HYCC2: variants seen among roughly 807,000 people sequenced by gnomAD.
HYCC2 encodes the protein hyccin PI4KA lipid kinase complex subunit 2, also known as hyccin 2.
At chr2:201,037,673 A>T in the HYCC2 span, among the ~76,000 whole-genome samples, 13 of 152,258 alleles carry the variant, frequency 8.5e-5, no homozygotes, top group African/African-American at 3.1e-4. Context: ...TGGTGCTGGG[A>T]AAACTGGCTA....
chr2:201,034,785 C>CTAA, the HYCC2 span, among the ~76,000 whole-genome samples: 11 of 152,284 alleles, frequency 7.2e-5, 1 homozygote, highest in African/African-American at 2.6e-4. Context: ...TTCAGGAGCT[C>CTAA]TTTTAGGGCA....
At chr2:201,006,440 A>AT in the HYCC2 span, among the ~76,000 whole-genome samples, 2 of 151,642 alleles carry the variant, frequency 1.3e-5, no homozygotes, top group African/African-American at 4.9e-5. Flanking sequence ...ACCTGGCGAG[A>AT]TTTTTTTAAA....
chr2:200,989,206 C>G, the HYCC2 span, among the ~76,000 whole-genome samples: 11 of 152,294 alleles, frequency 7.2e-5, no homozygotes, highest in Admixed American at 3.9e-4. Flanking sequence ...TCAGAGACCA[C>G]TGACAATAAA....
the HYCC2 span, among the ~76,000 whole-genome samples, chr2:201,037,829 T>C: frequency 6.6e-6 from 1 of 152,088 alleles, no homozygotes; most frequent in African/African-American, 2.4e-5. Flanking sequence ...GACATAGGCA[T>C]GGGCAAGGAC....
chr2:201,021,185 A>G, the HYCC2 span, among the ~76,000 whole-genome samples: 1 of 152,076 alleles, frequency 6.6e-6, no homozygotes, highest in Non-Finnish European at 1.5e-5. Flanking sequence ...ATTAAAAGGG[A>G]CCTCCTTCTA....
chr2:201,063,183 G>A, the HYCC2 span: 11 of 1,609,126 alleles, frequency 6.8e-6, no homozygotes, highest in African/African-American at 8.0e-5. Context: ...AGCCTGAGGA[G>A]CCATTTTGAG....
chr2:200,993,916 G>A, the HYCC2 span, among the ~76,000 whole-genome samples: 1 of 151,942 alleles, frequency 6.6e-6, no homozygotes, highest in Non-Finnish European at 1.5e-5. Flanking sequence ...CTTGCAGTGA[G>A]CCGAGATCAC....
At chr2:200,989,519 T>C in the HYCC2 span, among the ~76,000 whole-genome samples, 8 of 152,142 alleles carry the variant, frequency 5.3e-5, no homozygotes, top group African/African-American at 1.9e-4. Flanking sequence ...TAAAATGGCT[T>C]TTGAGAAGCT....
chr2:201,027,029 G>T, the HYCC2 span, among the ~76,000 whole-genome samples: 682 of 152,182 alleles, frequency 4.5e-3, 5 homozygotes, highest in African/African-American at 0.016. Flanking sequence ...CCAGGAGCTG[G>T]TTTTTTGAAA....
the HYCC2 span, among the ~76,000 whole-genome samples, chr2:201,045,954 TTCTC>T: frequency 3.0e-4 from 46 of 152,078 alleles, 1 homozygote; most frequent in South Asian, 1.2e-3. Context: ...TGATTTTTCT[TTCTC>T]TCTCTCTCAT....
the HYCC2 span, among the ~76,000 whole-genome samples, chr2:201,064,773 T>G: frequency 1.3e-5 from 2 of 152,232 alleles, no homozygotes; most frequent in Non-Finnish European, 2.9e-5. Flanking sequence ...AAATCTTCTG[T>G]GTATCTGCTC....
At chr2:201,013,664 G>A in the HYCC2 span, among the ~76,000 whole-genome samples, 4,440 of 152,190 alleles carry the variant, frequency 0.029, 109 homozygotes, top group Middle Eastern at 0.088. Flanking sequence ...TCCCTTGAGG[G>A]TATAACTTCT....
the HYCC2 span, among the ~76,000 whole-genome samples, chr2:200,999,168 C>G: frequency 1.3e-5 from 2 of 152,152 alleles, no homozygotes; most frequent in Non-Finnish European, 2.9e-5. Flanking sequence ...AATTTGACCA[C>G]TCTAAGAAGA....
chr2:201,055,835 A>C, the HYCC2 span, among the ~76,000 whole-genome samples: 25 of 152,168 alleles, frequency 1.6e-4, no homozygotes, highest in South Asian at 5.2e-3. Flanking sequence ...CTGATGTGGG[A>C]GGATCATTTG....
At chr2:200,978,495 A>C in the HYCC2 span, 5 of 110,562 alleles carry the variant, frequency 4.5e-5, no homozygotes, top group Admixed American at 3.5e-4. Flanking sequence ...TTTTTTTCAG[A>C]GATGGAGTCT....
At chr2:200,976,114 TA>T in the HYCC2 span, 5 of 152,088 alleles carry the variant, frequency 3.3e-5, no homozygotes, top group Admixed American at 2.0e-4. Context: ...AAAAACACTT[TA>T]AAAAAATTAA....
At chr2:200,991,481 AT>A in the HYCC2 span, among the ~76,000 whole-genome samples, 1 of 151,940 alleles carries the variant, frequency 6.6e-6, no homozygotes, top group African/African-American at 2.4e-5. Flanking sequence ...AGGCAGGAGA[AT>A]CGCTTGAACC....
chr2:201,020,628 C>T, the HYCC2 span, among the ~76,000 whole-genome samples: 1 of 152,104 alleles, frequency 6.6e-6, no homozygotes, highest in Admixed American at 6.6e-5. Flanking sequence ...CTTAAGGTAG[C>T]TAGAGAAGAC....
chr2:201,056,780 C>T, the HYCC2 span, among the ~76,000 whole-genome samples: 1 of 151,996 alleles, frequency 6.6e-6, no homozygotes, highest in Admixed American at 6.6e-5. Context: ...CTGTATAAAG[C>T]TACCAGTAGG....
Sources: gnomAD v4.1 joint callset for allele counts (sites outside exome capture counted in the v4.1 genomes callset) on GRCh38, gnomAD v4.1.1 for gene constraint, MANE v1.5 for transcripts, NCBI Gene and HGNC (gene_info 2026-07-23, HGNC 2026-07-21) for gene names.